Variants in SLC26A2 observed in about 807,000 individuals in gnomAD.
The protein encoded by SLC26A2 is solute carrier family 26 member 2, also known as sulfate transporter.
SLC26A2 carries 36 observed loss-of-function variants against 41.1 expected under a neutral mutation model. The observed-to-expected ratio is 0.88, with a 90% CI of 0.67 to 1.16. The LOEUF (loss-of-function observed/expected upper bound fraction) is 1.16, where lower values mean the gene tolerates loss of function less well. SLC26A2 is among the 50% of genes most tolerant of loss of function. The pLI is 0.00. For synonymous variants in SLC26A2, 291 were observed against 311.6 expected (o/e 0.93, Z 0.70); for missense variants, 796 against 869.6 (o/e 0.92, Z 1.07).
Position 149,981,594 on chromosome 5 carries a change from G to A in SLC26A2, c.2001G>A (p.Leu667=), listed in dbSNP as rs556654273. The A allele has an allele frequency of 6.2e-7, 1 of 1,614,068 alleles. No homozygotes were observed. The highest frequency in any genetic ancestry group is 8.5e-7 in the Non-Finnish European group (1 of 1,179,976). The change falls in exon 3 of 3, where the codon CTG becomes CTA. Residue 667 remains leucine (L), a synonymous_variant. Transcript: ENST00000286298. ...TAGATACAGCAGGGATCCACACACT[G>A]AAAGAAGTTCGCAGAGATTATGAAG... The part of the protein sequence containing the change: ...QFLDTAGIHT[L]KEVRRDYEAI...
rs755813228 is a variant in SLC26A2 at position 149,980,610 on chromosome 5, T to C, written c.1017T>C (p.Val339=). 2.5e-6 allele frequency: 4 copies of C among 1,614,128 alleles called. No individual in the cohort carries two copies. Among genetic ancestry groups the C allele is most frequent in the Non-Finnish European group, 8.5e-7 (1 of 1,179,990 alleles). ...LKAPIPIELV[V]VVAATLASHF... is the part of the protein sequence containing the mutation. ...CACCGATTCCTATTGAACTTGTTGTTGTTGTAGCAGCCACATTAGCCTCTC... is the reference window on the plus strand; with the variant it reads ...CACCGATTCCTATTGAACTTGTTGTCGTTGTAGCAGCCACATTAGCCTCTC... The change falls in exon 3 of 3, where the codon GTT becomes GTC. Residue 339 remains valine (V), a synonymous_variant. Coordinates refer to ENST00000286298, the MANE Select transcript of SLC26A2 (RefSeq NM_000112.4).
intron 1 of SLC26A2, among the ~76,000 whole-genome samples, chr5:149,970,049 T>A (rs1323153161): frequency 6.6e-6 from 1 of 152,192 alleles, no homozygotes. Context: ...ATATAATAAG[T>A]ACAAGAAAGA....
intron 1 of SLC26A2, among the ~76,000 whole-genome samples, chr5:149,964,393 C>T (rs1754767534): frequency 6.6e-6 from 1 of 152,092 alleles, no homozygotes; most frequent in African/African-American, 2.4e-5. Flanking sequence ...CTCAGGATCG[C>T]TTGAGCCCAG....
intron 1 of SLC26A2, among the ~76,000 whole-genome samples, chr5:149,974,927 G>T (rs1754967601): frequency 6.6e-6 from 1 of 152,176 alleles, no homozygotes; most frequent in South Asian, 2.1e-4. Flanking sequence ...GTTTCACCAT[G>T]TTGGTCATGC....
At position 149,978,269 on chromosome 5, in the gene SLC26A2, A is replaced by T; in HGVS notation, c.617A>T (p.His206Leu). Reference protein sequence around the residue: ...MVSNGSTLLNHTSDRICDKSC... With the variant: ...MVSNGSTLLNLTSDRICDKSC... ...TCAAATGGGAGCACATTATTAAATC[A>T]TACATCAGACAGGATATGTGACAAA... Residue 206 changes from histidine (H) to leucine (L), a missense_variant, in exon 2 of 3, where the codon CAT becomes CTT. Coordinates refer to ENST00000286298, the MANE Select transcript of SLC26A2 (RefSeq NM_000112.4). 1 of 1,614,204 alleles carries T rather than the reference A, an allele frequency of 6.2e-7. No individual in the cohort carries two copies. Among genetic ancestry groups the T allele is most frequent in the Non-Finnish European group, 8.5e-7 (1 of 1,180,012 alleles).
intron 2 of SLC26A2, among the ~76,000 whole-genome samples, chr5:149,979,124 T>C (rs1225504095): frequency 6.6e-6 from 1 of 151,976 alleles, no homozygotes; most frequent in Non-Finnish European, 1.5e-5. Flanking sequence ...GGGAAAAAGT[T>C]GGGGACCACA....
In SLC26A2 at chr5:149,980,990, T is replaced by G. The variant is rs1325960716; in HGVS notation, c.1397T>G (p.Leu466Trp). The change falls in exon 3 of 3, where the codon TTG (leucine) becomes TGG (tryptophan). Residue 466 changes from leucine (L) to tryptophan (W), a missense_variant. Transcript: ENST00000286298. The part of the protein sequence containing the change: ...SGVVTALVLL[L>W]VLLVIAPLFY... ...GTGGTAACAGCCCTGGTTCTTTTGT[T>G]GGTCCTCCTAGTAATAGCTCCTTTG... 1 of 1,614,170 alleles carries G rather than the reference T, an allele frequency of 6.2e-7. No homozygotes were observed. The highest frequency in any genetic ancestry group is 1.7e-5 in the Admixed American group (1 of 60,026).
At chr5:149,976,261 A>G (rs1175098589) in intron 1 of SLC26A2, among the ~76,000 whole-genome samples, 1 of 152,152 alleles carries the variant, frequency 6.6e-6, no homozygotes, top group East Asian at 1.9e-4. Flanking sequence ...TCTCAGCGTT[A>G]CTACATTCCA....
chr5:149,966,617 A>C (rs970481170), intron 1 of SLC26A2, among the ~76,000 whole-genome samples: 2 of 151,660 alleles, frequency 1.3e-5, no homozygotes, highest in African/African-American at 4.8e-5. Context: ...TTTTTTTTTA[A>C]TATTTGTTTT....
At chr5:149,961,671 T>A (rs940773500) in intron 1 of SLC26A2, among the ~76,000 whole-genome samples, 1 of 152,184 alleles carries the variant, frequency 6.6e-6, no homozygotes, top group Non-Finnish European at 1.5e-5. Flanking sequence ...TTAAATTGCC[T>A]TCCGGCGCCC....
chr5:149,962,126 C>T (rs1286790079), intron 1 of SLC26A2: 1 of 152,180 alleles, frequency 6.6e-6, no homozygotes, highest in Admixed American at 6.5e-5. Context: ...AAGTGTGGTC[C>T]TAAGCTCACT....
chr5:149,974,563 C>T (rs1369732090), intron 1 of SLC26A2, among the ~76,000 whole-genome samples: 2 of 151,690 alleles, frequency 1.3e-5, no homozygotes, highest in Non-Finnish European at 2.9e-5. Context: ...GCTGGGACTA[C>T]AGGAGCGCAC....
intron 1 of SLC26A2, among the ~76,000 whole-genome samples, chr5:149,977,162 A>G (rs910619810): frequency 5.3e-5 from 8 of 152,234 alleles, no homozygotes; most frequent in African/African-American, 1.2e-4. Context: ...ATAAAACAGG[A>G]CCATCTTCCT....
chr5:149,978,070 G>T lies in SLC26A2; in HGVS notation c.418G>T (p.Gly140Cys). Residue 140 changes from glycine (G) to cysteine (C), a missense_variant, in exon 2 of 3, where the codon GGT becomes TGT. Physicochemically the swap from Gly to Cys is radical, Grantham distance 159. Coordinates refer to ENST00000286298, the MANE Select transcript of SLC26A2 (RefSeq NM_000112.4). ...GCTGGCTGGCCAAGAACCTGTCTAT[G>T]GTCTGTACACATCTTTTTTTGCCAG... The part of the protein sequence containing the change: ...SLLAGQEPVY[G>C]LYTSFFASII... 1 of 1,610,208 alleles carries T rather than the reference G, an allele frequency of 6.2e-7. No individual in the cohort carries two copies. Among genetic ancestry groups the T allele is most frequent in the Non-Finnish European group, 8.5e-7 (1 of 1,177,884 alleles).
At chr5:149,965,428 C>T (rs1177155609) in intron 1 of SLC26A2, among the ~76,000 whole-genome samples, 5 of 132,508 alleles carry the variant, frequency 3.8e-5, no homozygotes, top group South Asian at 2.4e-4. Flanking sequence ...TGCAGTGAGC[C>T]GAGATCACAC....
chr5:149,968,202 A>G (rs1259937092), intron 1 of SLC26A2, among the ~76,000 whole-genome samples: 1 of 152,030 alleles, frequency 6.6e-6, no homozygotes, highest in Non-Finnish European at 1.5e-5. Flanking sequence ...CCTTCTGGCT[A>G]TTGTAAATAG....
intron 1 of SLC26A2, chr5:149,962,211 G>A (rs953574416): frequency 1.3e-5 from 2 of 152,156 alleles, no homozygotes; most frequent in African/African-American, 2.4e-5. Flanking sequence ...AGAAGCTAAC[G>A]GCTCTCTGTA....
At position 149,980,588 on chromosome 5, in the gene SLC26A2, C is replaced by T. The variant is rs773246028; in HGVS notation, c.995C>T (p.Pro332Leu). 2.3e-5 allele frequency: 37 copies of T among 1,613,980 alleles called. No individual in the cohort carries two copies. The highest frequency in any genetic ancestry group is 2.9e-5 in the Non-Finnish European group (34 of 1,180,018). ...NEHFKSKLKAPIPIELVVVVA... is the reference protein window; with the variant it reads ...NEHFKSKLKALIPIELVVVVA... ...CACTTCAAATCCAAGCTTAAGGCAC[C>T]GATTCCTATTGAACTTGTTGTTGTT... Residue 332 changes from proline (P) to leucine (L), a missense_variant, in exon 3 of 3, where the codon CCG (proline) becomes CTG (leucine). By Grantham distance (98) the Pro-to-Leu change is moderately conservative. Transcript: ENST00000286298.
chr5:149,976,958 A>G (rs1200237634), intron 1 of SLC26A2, among the ~76,000 whole-genome samples: 1 of 152,174 alleles, frequency 6.6e-6, no homozygotes, highest in Non-Finnish European at 1.5e-5. Context: ...GACCCTCTTC[A>G]TGCCCTTTAC....
Sources: allele counts gnomAD v4.1 joint callset (sites outside exome capture counted in the v4.1 genomes callset), GRCh38; gene constraint gnomAD v4.1.1; transcripts MANE v1.5; gene names NCBI Gene and HGNC (gene_info 2026-07-23, HGNC 2026-07-21).